SEMA6C: variants seen among roughly 807,000 people sequenced by gnomAD.
SEMA6C encodes the protein semaphorin 6C, also known as semaphorin-6C.
In SEMA6C, 37 loss-of-function variants were observed where a neutral mutation model predicts 72.9. The ratio of observed to expected loss-of-function variants is 0.51; its 90% CI spans 0.39 to 0.67. The LOEUF is 0.67. Ranked by LOEUF, SEMA6C falls within the 30% of genes least tolerant of loss-of-function variation. SEMA6C has a pLI of 0.00. For synonymous variants in SEMA6C, 578 were observed against 554.1 expected, an observed-to-expected ratio of 1.04 and a Z score of -0.61; for missense variants, 1,189 against 1,263.6, an observed-to-expected ratio of 0.94 and a Z score of 0.89.
rs587735833 is a variant in SEMA6C, at chr1:151,140,787, G to A, written c.119-697C>T. ...AGGCGGGCGGATCACAAGGTCAGGA[G>A]ATCGAGACCATCCTGGCTAACATGG... On this transcript the variant is annotated intron_variant, in intron 3 of 18. Coordinates refer to ENST00000368914, the MANE Select transcript of SEMA6C (RefSeq NM_030913.6). 1.7e-4 allele frequency among the ~76,000 whole-genome samples: 26 copies of A among 152,332 alleles called. 1 individual carries two copies. The East Asian group carries it at 1.7e-3, about 10-fold the overall frequency.
At chr1:151,141,479 G>A (rs1360982833) in intron 3 of SEMA6C, among the ~76,000 whole-genome samples, 3 of 152,118 alleles carry the variant, frequency 2.0e-5, no homozygotes, top group African/African-American at 7.2e-5. Flanking sequence ...GCGCGATCTC[G>A]GCTCACTGCA....
chr1:151,138,533 T>C, intron 7 of SEMA6C, 97 bp downstream of exon 7: 1 of 1,439,520 alleles, frequency 6.9e-7, no homozygotes, highest in Non-Finnish European at 9.7e-7. Context: ...GGCACTCCCA[T>C]TCCCCAACCG....
chr1:151,132,336 C>G lies in SEMA6C; in HGVS notation c.*148G>C. The stretch of plus-strand genomic sequence containing the variant: ...GGGAAAGACAGTCAATAAATAAACC[C>G]GAGGCGAAAAGGGGCCTCGGGAGAC... On this transcript the variant is annotated 3_prime_UTR_variant, in exon 19 of 19. Coordinates refer to ENST00000368914, the MANE Select transcript of SEMA6C (RefSeq NM_030913.6). 1.3e-6 allele frequency: 2 copies of G among 1,541,974 alleles called. No homozygotes were observed. The highest frequency in any genetic ancestry group is 1.7e-6 in the Non-Finnish European group (2 of 1,144,728).
Position 151,133,117 on chromosome 1 carries a change from C to T in SEMA6C, c.2160G>A (p.Glu720=), listed in dbSNP as rs587721762. 33 of 1,566,804 alleles carry T rather than the reference C, an allele frequency of 2.1e-5. No homozygotes were observed. The South Asian group carries it at 3.3e-4, about 16-fold the overall frequency. ...TGGCGTTGTTCCTGTTCTGGTTCCACTCCCAGGGGTCCCCGGCGGCGCGGA... is the reference window on the plus strand; with the variant it reads ...TGGCGTTGTTCCTGTTCTGGTTCCATTCCCAGGGGTCCCCGGCGGCGCGGA... ...KHLRAAGDPW[E]WNQNRNNAKE... is the part of the protein sequence containing the mutation. The change falls in exon 19 of 19, where the codon GAG becomes GAA. Residue 720 remains glutamate, a synonymous_variant. Transcript: ENST00000368914. This position sits in a 1 kb window ranked among gnomAD's most constrained non-coding sequence, Gnocchi z 5.9.
In SEMA6C at chr1:151,140,077, T is replaced by C; in HGVS notation, c.132A>G (p.Leu44=). 1 of 1,613,924 alleles carries C rather than the reference T, an allele frequency of 6.2e-7. No individual in the cohort carries two copies. Among genetic ancestry groups the C allele is most frequent in the South Asian group, 1.1e-5 (1 of 91,064 alleles). Residue 44 remains leucine, a synonymous_variant, in exon 4 of 19, where the codon TTA becomes TTG. Coordinates refer to ENST00000368914, the MANE Select transcript of SEMA6C (RefSeq NM_030913.6). ...LISDLQGTSP[L]SWFRGLEDDA... is the part of the protein sequence containing the mutation. ...CATCCTCCAGGCCCCGAAACCAGGA[T>C]AATGGGGAAGTACCTTGAGGACACA... is the stretch of plus-strand genomic sequence containing the variant.
chr1:151,134,724 T>C (rs770160987), intron 16 of SEMA6C, 49 bp from the exon 17 acceptor site: 1 of 1,612,394 alleles, frequency 6.2e-7, no homozygotes, highest in Non-Finnish European at 8.5e-7. Context: ...TGTCCGTATC[T>C]CCCACTCTGG....
rs1486322465 is a variant in SEMA6C, at chr1:151,142,505, T to G, written c.117A>C (p.Gln39His). 2 of 1,613,368 alleles carry G rather than the reference T, an allele frequency of 1.2e-6. No homozygotes were observed. Among genetic ancestry groups the G allele is most frequent in the Admixed American group, 3.3e-5 (2 of 59,994 alleles). Residue 39 changes from glutamine (Q) to histidine (H), a missense_variant and splice_region_variant, in exon 3 of 19, where the codon CAA (glutamine) becomes CAC (histidine). Gln to His is a conservative substitution (Grantham distance 24, BLOSUM62 0). This residue lies in a region of SEMA6C where 468 missense variants were observed against 577.4 expected (regional missense o/e 0.81). Transcript: ENST00000368914. ...DPLPLLISDLQGTSPLSWFRG... is the reference protein window; with the variant it reads ...DPLPLLISDLHGTSPLSWFRG... The stretch of plus-strand genomic sequence containing the variant: ...GCAAGGTAGGTACTGGGCACTCACC[T>G]TGAAGGTCAGAGATCAACAGAGGGA...
In SEMA6C at chr1:151,132,531, G is replaced by A. The variant is rs975139669; in HGVS notation, c.2746C>T (p.Pro916Ser). The change falls in exon 19 of 19, where the codon CCC becomes TCC. Residue 916 changes from proline to serine, a missense_variant. Physicochemically the swap from Pro to Ser is moderately conservative, Grantham distance 74. Coordinates refer to ENST00000368914, the MANE Select transcript of SEMA6C (RefSeq NM_030913.6). ...QLSLKPPLVG[P>S]SSRQAVPNGG... ...TTCGGGACGGCCTGGCGGGAGGAGG[G>A]CCCGACGAGGGGAGGCTTCAGGGAC... is the stretch of plus-strand genomic sequence containing the variant. 17 of 1,550,360 alleles carry A rather than the reference G, an allele frequency of 1.1e-5. No individual in the cohort carries two copies. The highest frequency in any genetic ancestry group is 5.5e-5 in the African/African-American group (4 of 73,046).
At chr1:151,135,490 C>T in intron 14 of SEMA6C, 101 bp downstream of exon 14, 1 of 1,485,730 alleles carries the variant, frequency 6.7e-7, no homozygotes, top group Non-Finnish European at 9.1e-7. Context: ...TCCCACCCTG[C>T]AAAAGCCAAT....
rs771290528 is a variant in SEMA6C, at chr1:151,136,952, A to G, written c.879T>C (p.Ser293=). ...LRLNCSVPGD[S]TFYFDVLQAL... ...CCTGTAAAACATCAAAATAGAAAGT[A>G]GAGTCCCCAGGGACAGAGCAGTTGA... The change falls in exon 11 of 19, where the codon TCT becomes TCC. Residue 293 remains serine, a synonymous_variant. Transcript: ENST00000368914. 5.6e-6 allele frequency: 9 copies of G among 1,614,060 alleles called. No homozygotes were observed. The highest frequency in any genetic ancestry group is 7.6e-6 in the Non-Finnish European group (9 of 1,180,018).
At position 151,135,250 on chromosome 1, in the gene SEMA6C, G is replaced by A. The variant is rs1295497329; in HGVS notation, c.1493C>T (p.Thr498Ile). ...ARRIIGLELD[T>I]EGHRLFVAFS... ...AGCCACAAAAAGCCTGTGACCCTCA[G>A]TGTCCAGCTCCAGCCCTATGATCCG... The change falls in exon 15 of 19, where the codon ACT (threonine) becomes ATT (isoleucine). Residue 498 changes from threonine to isoleucine, a missense_variant. Around this residue, in one of 2 missense-constraint regions of SEMA6C, gnomAD observed 721 missense variants for 686.2 expected, o/e 1.05. Coordinates refer to ENST00000368914, the MANE Select transcript of SEMA6C (RefSeq NM_030913.6). 5 of 1,614,128 alleles carry A rather than the reference G, an allele frequency of 3.1e-6. No homozygotes were observed. The highest frequency in any genetic ancestry group is 4.2e-6 in the Non-Finnish European group (5 of 1,180,052).
At chr1:151,139,859 C>G in intron 4 of SEMA6C, 117 bp downstream of exon 4, 1 of 1,230,316 alleles carries the variant, frequency 8.1e-7, no homozygotes, top group Non-Finnish European at 1.2e-6. Context: ...CATGTCCACA[C>G]CCCGTGGCTT....
At chr1:151,142,100 G>A (rs1403054871) in intron 3 of SEMA6C, among the ~76,000 whole-genome samples, 1 of 149,874 alleles carries the variant, frequency 6.7e-6, no homozygotes, top group Non-Finnish European at 1.5e-5. Context: ...GGAGTGCAGC[G>A]ATATCCGCTC....
chr1:151,132,639 C>G lies in SEMA6C; in HGVS notation c.2638G>C (p.Gly880Arg), dbSNP rs1261328887. The change falls in exon 19 of 19, where the codon GGG (glycine) becomes CGG (arginine). Residue 880 changes from glycine (G) to arginine (R), a missense_variant. By Grantham distance (125) the Gly-to-Arg change is moderately radical. Around this residue, in one of 2 missense-constraint regions of SEMA6C, gnomAD observed 721 missense variants for 686.2 expected, o/e 1.05. Coordinates refer to ENST00000368914, the MANE Select transcript of SEMA6C (RefSeq NM_030913.6). ...GGPSRYSGGP[G>R]KHLLYLGRPE... ...CGGCCCAGGTACAGGAGGTGCTTCC[C>G]GGGACCCCCGGAGTACCTGGAGGGA... 3.2e-6 allele frequency: 5 copies of G among 1,550,326 alleles called. No homozygotes were observed. The African/African-American group carries it at 5.5e-5, about 17-fold the overall frequency.
In SEMA6C at chr1:151,134,807, C is replaced by A. The variant is rs374952691; in HGVS notation, c.1649G>T (p.Gly550Val). The A allele has an allele frequency of 6.2e-6, 10 of 1,613,974 alleles. No individual in the cohort carries two copies. In the African/African-American group the frequency reaches 1.3e-4, roughly 22 times the overall value. Residue 550 changes from glycine (G) to valine (V), a missense_variant, in exon 16 of 19, where the codon GGA becomes GTA. Physicochemically the swap from Gly to Val is moderately radical, Grantham distance 109. Around this residue, in one of 2 missense-constraint regions of SEMA6C, gnomAD observed 721 missense variants for 686.2 expected, o/e 1.05. Transcript: ENST00000368914. ...AGGACCCATCACTTACCCACCAGAT[C>A]CCCTGATATCCACACAGCCCCTGGA... ...HSSRGCVDIR[G>V]SGGTDVDQAG...
intron 2 of SEMA6C, among the ~76,000 whole-genome samples, chr1:151,143,544 C>T (rs147587789): frequency 6.0e-4 from 92 of 152,228 alleles, no homozygotes; most frequent in African/African-American, 2.0e-3. Flanking sequence ...AATGGCTAAA[C>T]GTGCGCCTCT....
intron 10 of SEMA6C, 113 bp downstream of exon 10, chr1:151,137,598 T>G (rs1572033323): frequency 1.2e-6 from 1 of 849,114 alleles, no homozygotes; most frequent in South Asian, 1.7e-5. Flanking sequence ...GGGGTGAGAG[T>G]CCAGGGGATT....
Position 151,135,293 on chromosome 1 carries a change from T to G in SEMA6C, c.1450A>C (p.Thr484Pro). Residue 484 changes from threonine (T) to proline (P), a missense_variant, in exon 15 of 19, where the codon ACA becomes CCA. This residue lies in a region of SEMA6C where 721 missense variants were observed against 686.2 expected (regional missense o/e 1.05). Transcript: ENST00000368914. ...YSPARCSGKR[T>P]AQTARRIIGL... is the part of the protein sequence containing the mutation. ...ATGATCCGTCGTGCTGTTTGGGCTG[T>G]CCGCTTCCCACTGCACCTAGGGTGA... is the stretch of plus-strand genomic sequence containing the variant. 6.2e-7 allele frequency: 1 copy of G among 1,613,938 alleles called. No homozygotes were observed. The highest frequency in any genetic ancestry group is 8.5e-7 in the Non-Finnish European group (1 of 1,179,872).
chr1:151,132,194 G>C lies in SEMA6C; in HGVS notation c.*290C>G. 6.9e-7 allele frequency: 1 copy of C among 1,458,714 alleles called. No homozygotes were observed. Among genetic ancestry groups the C allele is most frequent in the South Asian group, 1.2e-5 (1 of 82,350 alleles). The allele number at this position is 1,458,714 out of a possible 1,614,324, so 90.4% of individuals were successfully genotyped here. Reference sequence around the variant, plus strand: ...AGTCTCTGGGGGAGCCCCGAGGGGCGAGTTAAGGCAGCTTGGCTGGAAGGG... The same window carrying C: ...AGTCTCTGGGGGAGCCCCGAGGGGCCAGTTAAGGCAGCTTGGCTGGAAGGG... On this transcript the variant is annotated 3_prime_UTR_variant, in exon 19 of 19. Transcript: ENST00000368914.
Sources: gnomAD v4.1 joint callset for allele counts (sites outside exome capture counted in the v4.1 genomes callset) on GRCh38, gnomAD v4.1.1 for gene constraint, gnomAD v4.1.1 regional missense constraint, Gnocchi (gnomAD v3.1) non-coding constraint, MANE v1.5 for transcripts, NCBI Gene and HGNC (gene_info 2026-07-23, HGNC 2026-07-21) for gene names.